PTPRG: variants seen among roughly 807,000 people sequenced by gnomAD.
PTPRG encodes protein tyrosine phosphatase receptor type G, also known as receptor-type tyrosine-protein phosphatase gamma.
PTPRG carries 102 observed loss-of-function variants against 165.3 expected under a neutral mutation model. That is an observed-to-expected ratio of 0.62 (90% CI 0.53 to 0.73). The LOEUF is 0.73. PTPRG is among the 30% of genes least tolerant of loss of function. The pLI, the probability that PTPRG is intolerant of heterozygous loss-of-function variation, is 0.00. For synonymous variants in PTPRG, 675 were observed against 669.5 expected (o/e 1.01, Z -0.13); for missense variants, 1,866 against 1,861.4 (o/e 1.00, Z -0.05).
intron 2 of PTPRG, among the ~76,000 whole-genome samples, chr3:61,781,481 G>T (rs1453369758): frequency 6.6e-6 from 1 of 151,980 alleles, no homozygotes; most frequent in African/African-American, 2.4e-5. Context: ...GTGAATTTGG[G>T]ATACATATCA....
chr3:61,765,019 C>A (rs189799818), intron 2 of PTPRG, among the ~76,000 whole-genome samples: 74 of 152,270 alleles, frequency 4.9e-4, no homozygotes, highest in African/African-American at 1.7e-3. Context: ...GATTGACGAA[C>A]CCTAAACTGA....
chr3:61,662,957 C>T (rs146353193), intron 1 of PTPRG, among the ~76,000 whole-genome samples: 60 of 152,230 alleles, frequency 3.9e-4, no homozygotes, highest in African/African-American at 1.4e-3. Flanking sequence ...GAGTAGCTTC[C>T]GATATGACTG....
intron 5 of PTPRG, among the ~76,000 whole-genome samples, chr3:62,130,993 A>G (rs1407945472): frequency 6.6e-6 from 1 of 151,594 alleles, no homozygotes; most frequent in African/African-American, 2.4e-5. Flanking sequence ...CACATATTTT[A>G]TTAGTCTATA....
chr3:62,085,110 C>T (rs1701705460), intron 5 of PTPRG, among the ~76,000 whole-genome samples: 1 of 152,196 alleles, frequency 6.6e-6, no homozygotes, highest in African/African-American at 2.4e-5. Flanking sequence ...ACCCACCTTT[C>T]CCTAGCCCTC....
chr3:62,199,961 A>G (rs1700059114), intron 10 of PTPRG, among the ~76,000 whole-genome samples: 1 of 152,232 alleles, frequency 6.6e-6, no homozygotes, highest in Non-Finnish European at 1.5e-5. Context: ...AAGGTGGATG[A>G]AGCTTGAGGA....
intron 2 of PTPRG, among the ~76,000 whole-genome samples, chr3:61,817,195 T>TG (rs1553674831): frequency 1.3e-4 from 18 of 135,678 alleles, no homozygotes; most frequent in South Asian, 4.3e-4. Flanking sequence ...TAAAATAATA[T>TG]ATATAATAAT....
In PTPRG at chr3:62,294,374, A is replaced by C. The variant is rs985859100; in HGVS notation, c.*1067A>C. ...ACATACATTTTTCTACTTAAGATTA[A>C]ATTGGAAATACTGTCTTAGCAAAAG... is the stretch of plus-strand genomic sequence containing the variant. On this transcript the variant is annotated 3_prime_UTR_variant, in exon 30 of 30. Transcript: ENST00000474889. 6.6e-6 allele frequency: 1 copy of C among 152,248 alleles called. No individual in the cohort carries two copies. The highest frequency in any genetic ancestry group is 1.5e-5 in the Non-Finnish European group (1 of 67,992). 9.4% of individuals were successfully genotyped at this position (152,248 alleles called of 1,614,324 possible). A position where few individuals can be genotyped will look rare whatever the true frequency, so the allele number is the denominator to read the frequency against.
intron 3 of PTPRG, among the ~76,000 whole-genome samples, chr3:61,995,799 C>G (rs1192913267): frequency 6.8e-6 from 1 of 148,146 alleles, no homozygotes; most frequent in Non-Finnish European, 1.5e-5. Context: ...TTGATGGAGT[C>G]TCACTCTGTC....
At chr3:61,900,826 A>G (rs1194635874) in intron 2 of PTPRG, among the ~76,000 whole-genome samples, 1 of 152,152 alleles carries the variant, frequency 6.6e-6, no homozygotes, top group Non-Finnish European at 1.5e-5. Context: ...GGCAGTACAG[A>G]ATAGTTGCTC....
Position 62,281,672 on chromosome 3 carries a change from A to G in PTPRG, c.3875A>G (p.Gln1292Arg), listed in dbSNP as rs1702456560. 1 of 1,611,782 alleles carries G rather than the reference A, an allele frequency of 6.2e-7. No individual in the cohort carries two copies. Among genetic ancestry groups the G allele is most frequent in the Non-Finnish European group, 8.5e-7 (1 of 1,178,752 alleles). The change falls in exon 27 of 30, where the codon CAA (glutamine) becomes CGA (arginine). Residue 1292 changes from glutamine to arginine, a missense_variant. Coordinates refer to ENST00000474889, the MANE Select transcript of PTPRG (RefSeq NM_002841.4). Reference protein sequence around the residue: ...KDRLCLSNEEQIIIHDFILEA... With the variant: ...KDRLCLSNEERIIIHDFILEA... ...AGACTGTGCCTCTCTAATGAAGAAC[A>G]AATTATCATCCATGACTTTATCCTT...
intron 5 of PTPRG, among the ~76,000 whole-genome samples, chr3:62,108,784 T>C (rs1440599006): frequency 6.6e-6 from 1 of 152,222 alleles, no homozygotes; most frequent in Admixed American, 6.5e-5. Context: ...TTTGCATTTC[T>C]CTAATGACCA....
At chr3:61,821,610 C>T (rs541711697) in intron 2 of PTPRG, among the ~76,000 whole-genome samples, 2 of 152,152 alleles carry the variant, frequency 1.3e-5, no homozygotes, top group Non-Finnish European at 2.9e-5. Flanking sequence ...ACTTATAAAG[C>T]TAATAAAGGA....
chr3:61,586,719 C>A (rs1048476285), intron 1 of PTPRG, among the ~76,000 whole-genome samples: 1 of 152,182 alleles, frequency 6.6e-6, no homozygotes, highest in Admixed American at 6.5e-5. Flanking sequence ...CACATCCCTT[C>A]GGTCTGGATG....
intron 2 of PTPRG, among the ~76,000 whole-genome samples, chr3:61,891,585 G>C (rs1336986077): frequency 2.0e-5 from 3 of 152,226 alleles, no homozygotes; most frequent in Non-Finnish European, 2.9e-5. Flanking sequence ...AGAATTGAAA[G>C]AATGAACTTT....
At chr3:61,921,058 CAATT>C (rs1357307942) in intron 2 of PTPRG, among the ~76,000 whole-genome samples, 1 of 151,858 alleles carries the variant, frequency 6.6e-6, no homozygotes, top group Non-Finnish European at 1.5e-5. Context: ...ATAAAATTAA[CAATT>C]AATTACTTTC....
At chr3:62,235,829 GT>G (rs1397862653) in intron 14 of PTPRG, among the ~76,000 whole-genome samples, 1 of 152,054 alleles carries the variant, frequency 6.6e-6, no homozygotes, top group Non-Finnish European at 1.5e-5. Flanking sequence ...GCATGATTTT[GT>G]TCTCTTTTCT....
At chr3:62,096,763 A>C (rs915278072) in intron 5 of PTPRG, among the ~76,000 whole-genome samples, 1 of 152,214 alleles carries the variant, frequency 6.6e-6, no homozygotes, top group African/African-American at 2.4e-5. Context: ...CCACCCTCAG[A>C]GTTTCAGGAC....
At chr3:61,895,492 G>A (rs976790422) in intron 2 of PTPRG, among the ~76,000 whole-genome samples, 3 of 152,186 alleles carry the variant, frequency 2.0e-5, no homozygotes, top group African/African-American at 7.2e-5. Flanking sequence ...TTCCGAGCTT[G>A]TAAAATCGCA....
At chr3:61,615,142 A>T (rs777489383) in intron 1 of PTPRG, among the ~76,000 whole-genome samples, 2 of 152,262 alleles carry the variant, frequency 1.3e-5, no homozygotes, top group Admixed American at 6.5e-5. Flanking sequence ...ACAGTCGTGT[A>T]TCACAATACA....
Sources: allele counts gnomAD v4.1 joint callset (sites outside exome capture counted in the v4.1 genomes callset), GRCh38; gene constraint gnomAD v4.1.1; transcripts MANE v1.5; gene names NCBI Gene and HGNC (gene_info 2026-07-23, HGNC 2026-07-21).